Variants in ZNF343 observed in about 807,000 individuals in gnomAD.
The protein encoded by ZNF343 is zinc finger protein 343.
A neutral mutation model predicts 13.8 loss-of-function variants in ZNF343; 11 were observed. The ratio of observed to expected loss-of-function variants is 0.80; its 90% CI spans 0.50 to 1.32. ZNF343 has a LOEUF of 1.32. ZNF343 is among the 40% of genes most tolerant of loss of function. The probability of loss-of-function intolerance (pLI) is 0.00; values close to 1 mark genes in which losing one functional copy is unlikely to be tolerated. For missense variants in ZNF343, 658 were observed against 714.2 expected (o/e 0.92, Z 0.90); for synonymous variants, 248 against 260.0 (o/e 0.95, Z 0.44).
rs1292637860 is a variant in ZNF343 at position 2,518,025 on chromosome 20, T to C, written c.-347+6430A>G. On this transcript the variant is annotated intron_variant, in intron 1 of 6. Coordinates refer to the ZNF343 transcript ENST00000358413. This position sits in a 1 kb window ranked among gnomAD's most constrained non-coding sequence, Gnocchi z 4.6. The stretch of plus-strand genomic sequence containing the variant: ...TTTTTTTCCTTTTTTCTCTCTTTTT[T>C]TTTTTCGAGACAGAGTCTCACTCTG... Among the ~76,000 whole-genome samples the C allele has an allele frequency of 1.3e-5, 2 of 151,784 alleles. No homozygotes were observed. Among genetic ancestry groups the C allele is most frequent in the Admixed American group, 1.3e-4 (2 of 15,230 alleles).
chr20:2,518,038 G>A lies in ZNF343; in HGVS notation c.-347+6417C>T, dbSNP rs1417567707. On this transcript the variant is annotated intron_variant, in intron 1 of 6. Coordinates refer to the ZNF343 transcript ENST00000358413. The surrounding 1 kb of genome is among the most constrained non-coding windows in gnomAD (Gnocchi z 4.6). ...TTCTCTCTTTTTTTTTTTCGAGACA[G>A]AGTCTCACTCTGTTACCCAGGCTGG... is the stretch of plus-strand genomic sequence containing the variant. Among the ~76,000 whole-genome samples, 2 of 147,900 alleles carry A rather than the reference G, an allele frequency of 1.4e-5. No individual in the cohort carries two copies. Among genetic ancestry groups the A allele is most frequent in the Non-Finnish European group, 3.0e-5 (2 of 67,244 alleles).
intron 1 of ZNF343, among the ~76,000 whole-genome samples, chr20:2,515,157 C>T (rs1048369491): frequency 3.6e-4 from 55 of 152,286 alleles, no homozygotes; most frequent in African/African-American, 1.2e-3. Flanking sequence ...CAAGTTCAGA[C>T]ATTTTACTAG....
At chr20:2,501,064 G>A (rs2085556058) in intron 1 of ZNF343, among the ~76,000 whole-genome samples, 1 of 152,172 alleles carries the variant, frequency 6.6e-6, no homozygotes, top group South Asian at 2.1e-4. Context: ...CCTAGTCAAA[G>A]AAAGGGGTGA....
chr20:2,514,899 G>T (rs2085752630), intron 1 of ZNF343, among the ~76,000 whole-genome samples: 1 of 151,990 alleles, frequency 6.6e-6, no homozygotes, highest in East Asian at 1.9e-4. Context: ...TGAGGCACGA[G>T]AATTGCTTGA....
intron 5 of ZNF343, among the ~76,000 whole-genome samples, chr20:2,488,094 T>G (rs1057335396): frequency 6.6e-6 from 1 of 152,218 alleles, no homozygotes; most frequent in African/African-American, 2.4e-5. Flanking sequence ...GGCAAATATT[T>G]CCTGGAAATT....
intron 5 of ZNF343, 62 bp downstream of exon 5, chr20:2,492,637 A>C (rs966991877): frequency 5.1e-6 from 8 of 1,578,218 alleles, no homozygotes; most frequent in Non-Finnish European, 5.1e-6. Context: ...TTTGTGGTAC[A>C]TATTAGGTGA....
intron 1 of ZNF343, among the ~76,000 whole-genome samples, chr20:2,507,683 T>C (rs1376525047): frequency 6.6e-6 from 1 of 152,144 alleles, no homozygotes; most frequent in Non-Finnish European, 1.5e-5. Context: ...GGTCTGACAA[T>C]TCTCAAAGTG....
rs779048796 is a variant in ZNF343 at position 2,483,882 on chromosome 20, C to T, written c.1079G>A (p.Arg360Gln). 2.0e-5 allele frequency: 32 copies of T among 1,614,020 alleles called. No individual in the cohort carries two copies. The highest frequency in any genetic ancestry group is 1.6e-4 in the Middle Eastern group (1 of 6,084). ...GAAGGATGACTTCTCGCTAAAGCCT[C>T]GCCCACACTCGCTGCAAACATAGGG... ...EKPYVCSECG[R>Q]GFSEKSSFIR... The change falls in exon 6 of 6, where the codon CGA (arginine) becomes CAA (glutamine). Residue 360 changes from arginine to glutamine, a missense_variant. Physicochemically the swap from Arg to Gln is conservative, Grantham distance 43 (BLOSUM62 1). Coordinates refer to ENST00000278772, the MANE Select transcript of ZNF343 (RefSeq NM_024325.6).
At chr20:2,523,517 TA>T (rs1468277005) in intron 1 of ZNF343, among the ~76,000 whole-genome samples, 1 of 152,016 alleles carries the variant, frequency 6.6e-6, no homozygotes, top group Non-Finnish European at 1.5e-5. Context: ...GTAACATTTA[TA>T]ATAGAAAATC....
upstream of ZNF343, among the ~76,000 whole-genome samples, chr20:2,511,113 CTTTCT>C (rs2085737317): frequency 6.7e-6 from 1 of 150,270 alleles, no homozygotes; most frequent in African/African-American, 2.5e-5. Flanking sequence ...TTTCCTTTTC[CTTTCT>C]TTTTTTTTTT....
chr20:2,522,613 A>AT (rs1290547348), intron 1 of ZNF343, among the ~76,000 whole-genome samples: 2 of 152,214 alleles, frequency 1.3e-5, no homozygotes, highest in Admixed American at 6.5e-5. Context: ...GCTTAATTAC[A>AT]TTTATATTTA....
At chr20:2,493,496 A>G in intron 4 of ZNF343, 23 bp downstream of exon 4, 1 of 1,612,262 alleles carries the variant, frequency 6.2e-7, no homozygotes, top group South Asian at 1.1e-5. Context: ...TCAGGAAAAA[A>G]AAAAAATGTA....
chr20:2,505,579 G>T (rs1805546321), intron 1 of ZNF343, among the ~76,000 whole-genome samples: 1 of 152,164 alleles, frequency 6.6e-6, no homozygotes, highest in African/African-American at 2.4e-5. Flanking sequence ...GCATGGTACT[G>T]GTACCAAAAC....
intron 5 of ZNF343, among the ~76,000 whole-genome samples, chr20:2,490,432 T>C (rs982961696): frequency 1.3e-5 from 2 of 152,154 alleles, no homozygotes; most frequent in African/African-American, 4.8e-5. Context: ...TTTCAAGGAA[T>C]GCAATTGGGA....
rs776558953 is a variant in ZNF343 at position 2,483,664 on chromosome 20, C to G, written c.1297G>C (p.Asp433His). ...TCCCTGCAAACATAAGGCTTCTCAT[C>G]CAAGTGTGTCCTCTGGTGTTTGATG... Reference protein sequence around the residue: ...DLIKHQRTHLDEKPYVCRECG... With the variant: ...DLIKHQRTHLHEKPYVCRECG... The change falls in exon 6 of 6, where the codon GAT becomes CAT. Residue 433 changes from aspartate (D) to histidine (H), a missense_variant. Physicochemically the swap from Asp to His is moderately conservative, Grantham distance 81. Transcript: ENST00000278772. 1 of 1,609,368 alleles carries G rather than the reference C, an allele frequency of 6.2e-7. No individual in the cohort carries two copies. Among genetic ancestry groups the G allele is most frequent in the Admixed American group, 1.7e-5 (1 of 59,664 alleles).
intron 1 of ZNF343, among the ~76,000 whole-genome samples, chr20:2,506,878 T>C (rs535472960): frequency 8.7e-4 from 131 of 151,346 alleles, no homozygotes; most frequent in African/African-American, 3.0e-3. Context: ...CACACCAACA[T>C]GGAACATGTA....
chr20:2,483,520 G>A lies in ZNF343; in HGVS notation c.1441C>T (p.Leu481Phe). 1 of 1,584,766 alleles carries A rather than the reference G, an allele frequency of 6.3e-7. No individual in the cohort carries two copies. Among genetic ancestry groups the A allele is most frequent in the South Asian group, 1.1e-5 (1 of 89,968 alleles). ...GRGFSRKSLL[L>F]VHQRTHSGEK... ...CCTGAGTGTGTCCTCTGGTGGACAA[G>A]GAGGAGTGATTTCCGACTAAAGCCT... is the stretch of plus-strand genomic sequence containing the variant. Residue 481 changes from leucine (L) to phenylalanine (F), a missense_variant, in exon 6 of 6, where the codon CTT (leucine) becomes TTT (phenylalanine). By Grantham distance (22) the Leu-to-Phe change is conservative (BLOSUM62 0). Coordinates refer to ENST00000278772, the MANE Select transcript of ZNF343 (RefSeq NM_024325.6).
intron 5 of ZNF343, among the ~76,000 whole-genome samples, chr20:2,488,060 CTT>C (rs1322062401): frequency 1.3e-5 from 2 of 152,154 alleles, no homozygotes; most frequent in Non-Finnish European, 2.9e-5. Context: ...GAAAATAACT[CTT>C]TATATGTGAT....
At chr20:2,521,252 G>A (rs914292998) in intron 1 of ZNF343, among the ~76,000 whole-genome samples, 2 of 152,186 alleles carry the variant, frequency 1.3e-5, no homozygotes, top group African/African-American at 4.8e-5. Flanking sequence ...CTTGCTTATG[G>A]TACAAGCATT....
Sources: gnomAD v4.1 joint callset for allele counts (sites outside exome capture counted in the v4.1 genomes callset) on GRCh38, gnomAD v4.1.1 for gene constraint, Gnocchi (gnomAD v3.1) non-coding constraint, MANE v1.5 for transcripts, NCBI Gene and HGNC (gene_info 2026-07-23, HGNC 2026-07-21) for gene names.